The following ASIC2 variants were observed in gnomAD, a reference collection of about 807,000 sequenced individuals.
The protein encoded by ASIC2 is acid sensing ion channel subunit 2.
In ASIC2, 25 loss-of-function variants were observed where a neutral mutation model predicts 57.3. The observed-to-expected ratio is 0.44, with a 90% CI of 0.32 to 0.61. The LOEUF (loss-of-function observed/expected upper bound fraction) is 0.61. Among genes scored for constraint, ASIC2 ranks in the 20% least tolerant of loss-of-function variants. ASIC2 has a pLI of 0.06. For missense variants in ASIC2, 641 were observed against 738.1 expected, an observed-to-expected ratio of 0.87 and a Z score of 1.52; for synonymous variants, 319 against 307.5, an observed-to-expected ratio of 1.04 and a Z score of -0.39.
intron 1 of ASIC2, among the ~76,000 whole-genome samples, chr17:34,128,219 G>T (rs1911845271): frequency 6.6e-6 from 1 of 152,134 alleles, no homozygotes; most frequent in African/African-American, 2.4e-5. Flanking sequence ...GGGTTTATTG[G>T]GTAAAGGGAG....
intron 3 of ASIC2, among the ~76,000 whole-genome samples, chr17:33,087,236 T>C (rs922917927): frequency 2.0e-5 from 3 of 152,232 alleles, no homozygotes; most frequent in African/African-American, 4.8e-5. Flanking sequence ...CCTTGAACTT[T>C]GCCCCTGCCA....
chr17:33,236,944 A>C (rs919719054), intron 1 of ASIC2, among the ~76,000 whole-genome samples: 12 of 152,092 alleles, frequency 7.9e-5, no homozygotes, highest in Non-Finnish European at 1.6e-4. Context: ...TGAGACAATA[A>C]ATTTCTGTTG....
Position 33,545,470 on chromosome 17 carries a change from C to T in ASIC2, c.556-433403G>A, listed in dbSNP as rs151241286. 9.9e-5 allele frequency among the ~76,000 whole-genome samples: 15 copies of T among 152,256 alleles called. No homozygotes were observed. In the East Asian group the frequency reaches 1.2e-3, roughly 12 times the overall value. Reference sequence around the variant, plus strand: ...TAAATGCAGCATATTTTACCCGAGACGCGGATTTCTACTGTGCTCTATTTT... The same window carrying T: ...TAAATGCAGCATATTTTACCCGAGATGCGGATTTCTACTGTGCTCTATTTT... On this transcript the variant is annotated intron_variant, in intron 1 of 9. Coordinates refer to the ASIC2 transcript ENST00000359872.
Position 33,879,679 on chromosome 17 carries a change from A to C in ASIC2, c.555+276299T>G, listed in dbSNP as rs148220884. 4.8e-3 allele frequency among the ~76,000 whole-genome samples: 734 copies of C among 152,336 alleles called. 2 individuals carry two copies. The highest frequency in any genetic ancestry group is 0.017 in the African/African-American group (703 of 41,568). On this transcript the variant is annotated intron_variant, in intron 1 of 9. Coordinates refer to the ASIC2 transcript ENST00000359872. ...TGGGAGACTTTAACACCCCAATGTC[A>C]ACATTAGACACATCAACGAGACAGA...
At chr17:33,847,367 C>T (rs899798757) in intron 1 of ASIC2, among the ~76,000 whole-genome samples, 3 of 152,038 alleles carry the variant, frequency 2.0e-5, no homozygotes, top group African/African-American at 7.3e-5. Context: ...CAGTAAGAGT[C>T]AATCCTGGGG....
chr17:33,973,889 CA>C (rs905427789), intron 1 of ASIC2, among the ~76,000 whole-genome samples: 5 of 152,126 alleles, frequency 3.3e-5, no homozygotes, highest in African/African-American at 1.2e-4. Context: ...GATGCCTTGC[CA>C]GTCCCACTCC....
At chr17:33,689,429 C>G (rs761851272) in intron 1 of ASIC2, among the ~76,000 whole-genome samples, 7 of 152,174 alleles carry the variant, frequency 4.6e-5, no homozygotes, top group Non-Finnish European at 7.3e-5. Context: ...CCAGTACACA[C>G]TAGACACCAC....
intron 1 of ASIC2, among the ~76,000 whole-genome samples, chr17:33,789,112 TGC>T (rs1372797335): frequency 6.6e-6 from 1 of 152,230 alleles, no homozygotes; most frequent in Non-Finnish European, 1.5e-5. Flanking sequence ...GTTCAGCTTC[TGC>T]CATGATTATA....
At chr17:33,956,000 G>T (rs1250844176) in intron 1 of ASIC2, among the ~76,000 whole-genome samples, 5 of 151,972 alleles carry the variant, frequency 3.3e-5, no homozygotes, top group African/African-American at 9.7e-5. Flanking sequence ...ACAAGCTGAG[G>T]GCCCATCATT....
chr17:33,095,992 T>C (rs1350633165), intron 2 of ASIC2, among the ~76,000 whole-genome samples: 1 of 152,190 alleles, frequency 6.6e-6, no homozygotes, highest in Non-Finnish European at 1.5e-5. Flanking sequence ...GTGGCATCTC[T>C]GGCTACCACT....
At chr17:33,460,308 G>A (rs1401575380) in intron 1 of ASIC2, among the ~76,000 whole-genome samples, 1 of 152,166 alleles carries the variant, frequency 6.6e-6, no homozygotes, top group Non-Finnish European at 1.5e-5. Context: ...AGAAGGGGAT[G>A]GGGTGGATGG....
rs143711085 is a variant in ASIC2 at position 33,242,135 on chromosome 17, G to A, written c.708+49273C>T. Among the ~76,000 whole-genome samples, 608 of 152,028 alleles carry A rather than the reference G, an allele frequency of 4.0e-3. 3 individuals carry two copies. The highest frequency in any genetic ancestry group is 6.5e-3 in the Non-Finnish European group (444 of 67,970). On this transcript the variant is annotated intron_variant, in intron 1 of 9. Coordinates refer to ENST00000225823, the MANE Select transcript of ASIC2 (RefSeq NM_183377.2). ...AGATCGAGACCATCCTGGCTAACAC[G>A]GTGAAACCCCGTCTCTACTAAAAAT...
At chr17:33,903,572 TC>T (rs1253748186) in intron 1 of ASIC2, among the ~76,000 whole-genome samples, 1 of 152,298 alleles carries the variant, frequency 6.6e-6, no homozygotes, top group Middle Eastern at 3.4e-3. Flanking sequence ...TAGCCCAGAA[TC>T]TCCCAGTTTA....
At chr17:34,110,539 A>G (rs914628268) in intron 1 of ASIC2, among the ~76,000 whole-genome samples, 3 of 152,198 alleles carry the variant, frequency 2.0e-5, no homozygotes, top group African/African-American at 7.2e-5. Flanking sequence ...CTGTAGCTGC[A>G]GAGGGCTGGC....
At chr17:33,300,512 T>C (rs142647119) in intron 1 of ASIC2, among the ~76,000 whole-genome samples, 1 of 152,248 alleles carries the variant, frequency 6.6e-6, no homozygotes, top group Non-Finnish European at 1.5e-5. Context: ...GATACCCTAA[T>C]GGATGAAAGC....
At chr17:33,197,257 A>C (rs902093166) in intron 1 of ASIC2, among the ~76,000 whole-genome samples, 1 of 152,204 alleles carries the variant, frequency 6.6e-6, no homozygotes, top group African/African-American at 2.4e-5. Flanking sequence ...AAGATAGCTT[A>C]GGGGGTTTAG....
intron 1 of ASIC2, among the ~76,000 whole-genome samples, chr17:33,445,273 C>CA (rs1269265922): frequency 2.6e-5 from 4 of 151,776 alleles, no homozygotes; most frequent in Admixed American, 2.0e-4. Flanking sequence ...ACTAAAAATA[C>CA]AAAAAAAATT....
intron 1 of ASIC2, among the ~76,000 whole-genome samples, chr17:33,341,325 C>G (rs1907712588): frequency 6.6e-6 from 1 of 152,208 alleles, no homozygotes; most frequent in Non-Finnish European, 1.5e-5. Context: ...TGGAGAAACT[C>G]TTCTTAGAAT....
At chr17:33,799,430 CTTTCTTTCTTTCT>C (rs1567719050) in intron 1 of ASIC2, among the ~76,000 whole-genome samples, 20 of 15,378 alleles carry the variant, frequency 1.3e-3, no homozygotes, top group African/African-American at 3.3e-3. Context: ...TTTCTTTCTT[CTTTCTTTCTTTCT>C]TTCTTTCTTT....
Sources: allele counts gnomAD v4.1 joint callset (sites outside exome capture counted in the v4.1 genomes callset), GRCh38; gene constraint gnomAD v4.1.1; transcripts MANE v1.5; gene names NCBI Gene and HGNC (gene_info 2026-07-23, HGNC 2026-07-21).